Variants in CTNNA3 observed in about 807,000 individuals in gnomAD.
The protein encoded by CTNNA3 is catenin alpha 3, also known as catenin alpha-3.
A neutral mutation model predicts 95.7 loss-of-function variants in CTNNA3; 76 were observed. The ratio of observed to expected loss-of-function variants is 0.79; its 90% CI spans 0.66 to 0.96. CTNNA3 has a LOEUF of 0.96. Among genes scored for constraint, CTNNA3 ranks in the 40% least tolerant of loss-of-function variants. The pLI, the probability that CTNNA3 is intolerant of heterozygous loss-of-function variation, is 0.00. For missense variants in CTNNA3, 1,191 were observed against 1,089.8 expected (o/e 1.09, Z -1.31); for synonymous variants, 431 against 374.4 (o/e 1.15, Z -1.74).
intron 7 of CTNNA3, among the ~76,000 whole-genome samples, chr10:67,034,733 G>A (rs753834738): frequency 6.6e-6 from 1 of 152,128 alleles, no homozygotes; most frequent in Non-Finnish European, 1.5e-5. Flanking sequence ...TGACTCTCTA[G>A]TGGCTGTATA....
intron 5 of CTNNA3, among the ~76,000 whole-genome samples, chr10:67,261,493 G>C (rs1333037745): frequency 6.6e-6 from 1 of 152,120 alleles, no homozygotes; most frequent in Non-Finnish European, 1.5e-5. Context: ...ACAAATTAAG[G>C]CATCTTAATG....
chr10:67,516,700 C>A (rs1001220650), intron 5 of CTNNA3, among the ~76,000 whole-genome samples: 3 of 152,146 alleles, frequency 2.0e-5, no homozygotes, highest in South Asian at 2.1e-4. Flanking sequence ...TTATTAGGTC[C>A]CCAGAACTTG....
chr10:66,599,333 C>T lies in CTNNA3; in HGVS notation c.1374+22359G>A, dbSNP rs571139592. Among the ~76,000 whole-genome samples the T allele has an allele frequency of 4.6e-5, 7 of 152,156 alleles. No homozygotes were observed. In the South Asian group the frequency reaches 8.3e-4, roughly 18 times the overall value. On this transcript the variant is annotated intron_variant, in intron 10 of 17. Coordinates refer to ENST00000433211, the MANE Select transcript of CTNNA3 (RefSeq NM_013266.4). Reference sequence around the variant, plus strand: ...CAACTCTTTATTAACATCCACAAAGCTTGGTTCATAGGCACAGGCCATAAA... The same window carrying T: ...CAACTCTTTATTAACATCCACAAAGTTTGGTTCATAGGCACAGGCCATAAA...
chr10:66,114,599 G>A (rs1319692082), intron 13 of CTNNA3, among the ~76,000 whole-genome samples: 1 of 151,680 alleles, frequency 6.6e-6, no homozygotes, highest in Non-Finnish European at 1.5e-5. Flanking sequence ...TATATATATC[G>A]GTTGGGTACA....
At chr10:66,603,353 T>C (rs2132264083) in intron 10 of CTNNA3, among the ~76,000 whole-genome samples, 1 of 152,130 alleles carries the variant, frequency 6.6e-6, no homozygotes, top group Middle Eastern at 3.4e-3. Context: ...GCTAAAAATA[T>C]ATATCACACA....
At position 66,586,064 on chromosome 10, in the gene CTNNA3, T is replaced by G. The variant is rs182867252; in HGVS notation, c.1374+35628A>C. Among the ~76,000 whole-genome samples the G allele has an allele frequency of 1.7e-3, 261 of 152,256 alleles. 1 individual carries two copies. Among genetic ancestry groups the G allele is most frequent in the Admixed American group, 3.0e-3 (46 of 15,284 alleles). The stretch of plus-strand genomic sequence containing the variant: ...TTGGTTATAGAGAATCATTGTGAAG[T>G]GTCTTTCTCAGATGCCGGTTGTAGT... On this transcript the variant is annotated intron_variant, in intron 10 of 17. Transcript: ENST00000433211.
intron 13 of CTNNA3, among the ~76,000 whole-genome samples, chr10:66,167,645 A>C (rs974589458): frequency 6.6e-6 from 1 of 152,182 alleles, no homozygotes; most frequent in Admixed American, 6.6e-5. Context: ...CTACTTTATT[A>C]CTTTGTTAAT....
chr10:66,216,866 T>C (rs1420758768), intron 13 of CTNNA3, among the ~76,000 whole-genome samples: 1 of 152,190 alleles, frequency 6.6e-6, no homozygotes, highest in Non-Finnish European at 1.5e-5. Flanking sequence ...TATAGCTTCA[T>C]GCCATTTTAT....
At chr10:66,704,500 C>T (rs926479233) in intron 9 of CTNNA3, among the ~76,000 whole-genome samples, 1 of 152,070 alleles carries the variant, frequency 6.6e-6, no homozygotes, top group African/African-American at 2.4e-5. Context: ...TTATTGGAAA[C>T]CTGCCATTGG....
At chr10:67,018,967 G>A (rs1244943499) in intron 7 of CTNNA3, among the ~76,000 whole-genome samples, 2 of 152,178 alleles carry the variant, frequency 1.3e-5, no homozygotes, top group African/African-American at 4.8e-5. Flanking sequence ...GTATCAGTTT[G>A]TTAACTAGTG....
intron 7 of CTNNA3, among the ~76,000 whole-genome samples, chr10:67,027,251 T>C (rs575458713): frequency 1.0e-3 from 159 of 152,208 alleles, no homozygotes; most frequent in African/African-American, 3.7e-3. Context: ...AAAAGGAAGA[T>C]AGAGCTGAAT....
intron 15 of CTNNA3, among the ~76,000 whole-genome samples, chr10:66,057,408 G>A (rs1564608870): frequency 6.6e-6 from 1 of 152,110 alleles, no homozygotes; most frequent in African/African-American, 2.4e-5. Context: ...GAGATTTCAG[G>A]TAAAAGCATT....
intron 15 of CTNNA3, among the ~76,000 whole-genome samples, chr10:66,000,458 T>C (rs1303323071): frequency 6.6e-6 from 1 of 152,208 alleles, no homozygotes; most frequent in African/African-American, 2.4e-5. Context: ...AGTGAATATC[T>C]ATGAAATGAT....
At chr10:66,375,862 T>C (rs2092793189) in intron 12 of CTNNA3, among the ~76,000 whole-genome samples, 2 of 152,154 alleles carry the variant, frequency 1.3e-5, no homozygotes, top group South Asian at 4.1e-4. Context: ...ATGGCAATTG[T>C]TCATTCTAAG....
intron 15 of CTNNA3, among the ~76,000 whole-genome samples, chr10:66,062,122 T>C (rs1435345884): frequency 6.6e-6 from 1 of 152,078 alleles, no homozygotes; most frequent in African/African-American, 2.4e-5. Flanking sequence ...TAATAATCAA[T>C]CAAACTGTCT....
At chr10:67,611,210 T>C (rs1413140699) in intron 2 of CTNNA3, among the ~76,000 whole-genome samples, 4 of 152,206 alleles carry the variant, frequency 2.6e-5, no homozygotes, top group Admixed American at 2.6e-4. Flanking sequence ...CTCTAAATGC[T>C]CTAAAGATGC....
At chr10:67,675,669 G>A (rs944208794) in intron 1 of CTNNA3, among the ~76,000 whole-genome samples, 1 of 152,108 alleles carries the variant, frequency 6.6e-6, no homozygotes, top group African/African-American at 2.4e-5. Context: ...TAACATTAAT[G>A]GAGCAGGGAA....
At chr10:66,082,891 C>A (rs2080817888) in intron 14 of CTNNA3, among the ~76,000 whole-genome samples, 1 of 152,078 alleles carries the variant, frequency 6.6e-6, no homozygotes, top group South Asian at 2.1e-4. Context: ...TGTTCTCCTG[C>A]AGCAAAATAC....
chr10:66,479,950 T>TCACA (rs71466882), intron 11 of CTNNA3, among the ~76,000 whole-genome samples: 11,124 of 145,190 alleles, frequency 0.077, 672 homozygotes, highest in East Asian at 0.22. Context: ...ACCAAAGCAT[T>TCACA]CACACACACA....
Sources: gnomAD v4.1 joint callset for allele counts (sites outside exome capture counted in the v4.1 genomes callset) on GRCh38, gnomAD v4.1.1 for gene constraint, MANE v1.5 for transcripts, NCBI Gene and HGNC (gene_info 2026-07-23, HGNC 2026-07-21) for gene names.